KCNIP4: variants seen among roughly 807,000 people sequenced by gnomAD.
KCNIP4 encodes Kv channel-interacting protein 4.
A neutral mutation model predicts 34.0 loss-of-function variants in KCNIP4; 12 were observed. The ratio of observed to expected loss-of-function variants is 0.35; its 90% CI spans 0.23 to 0.57. KCNIP4 has a LOEUF of 0.57. Ranked by LOEUF, KCNIP4 falls within the 20% of genes least tolerant of loss-of-function variation. The pLI is 0.83. For synonymous variants in KCNIP4, 124 were observed against 102.2 expected (o/e 1.21, Z -1.29); for missense variants, 238 against 311.7 (o/e 0.76, Z 1.78).
intron 3 of KCNIP4, among the ~76,000 whole-genome samples, chr4:20,784,966 C>G (rs1711752039): frequency 1.3e-5 from 2 of 152,180 alleles, no homozygotes; most frequent in African/African-American, 4.8e-5. Flanking sequence ...GCATGCAGAA[C>G]TACCACTTGC....
chr4:20,934,218 C>T (rs1730799743), intron 1 of KCNIP4, among the ~76,000 whole-genome samples: 1 of 152,054 alleles, frequency 6.6e-6, no homozygotes, highest in Admixed American at 6.6e-5. Context: ...TGTTTTTCTG[C>T]CTCATAAACA....
intron 1 of KCNIP4, among the ~76,000 whole-genome samples, chr4:20,979,587 A>G (rs1735858346): frequency 6.6e-6 from 1 of 151,794 alleles, no homozygotes; most frequent in South Asian, 2.1e-4. Flanking sequence ...TTTAGTAGAG[A>G]CAGGGTTTCA....
chr4:21,458,812 G>C (rs191876807), intron 1 of KCNIP4, among the ~76,000 whole-genome samples: 22 of 152,088 alleles, frequency 1.4e-4, no homozygotes, highest in Non-Finnish European at 1.9e-4. Flanking sequence ...GAAAATAGAA[G>C]CAATCAGAAG....
intron 1 of KCNIP4, among the ~76,000 whole-genome samples, chr4:21,602,410 G>T (rs1205428665): frequency 2.0e-5 from 3 of 152,100 alleles, no homozygotes; most frequent in African/African-American, 7.2e-5. Context: ...TATCCTGAAT[G>T]AACAAATAAA....
In KCNIP4 at chr4:21,582,006, A is replaced by AAGAATAGAATAGAATAGAATAGAAT. The variant is rs1170134097; in HGVS notation, c.61+366540_61+366564dup. 1.6e-3 allele frequency: 153 copies of AAGAATAGAATAGAATAGAATAGAAT among 96,480 alleles called. 4 individuals are homozygous for AAGAATAGAATAGAATAGAATAGAAT. Among genetic ancestry groups the AAGAATAGAATAGAATAGAATAGAAT allele is most frequent in the African/African-American group, 3.0e-3 (82 of 26,970 alleles). The allele number at this position is 96,480 out of a possible 1,614,324, so 6.0% of individuals were successfully genotyped here. ...ATAGAATAGACTACATAGGGCATAG[A>AAGAATAGAATAGAATAGAATAGAAT]AGAATAGAATAGAATAGAATAGAAT... On this transcript the variant is annotated intron_variant, in intron 1 of 8. Transcript: ENST00000382152.
intron 1 of KCNIP4, among the ~76,000 whole-genome samples, chr4:21,344,651 G>T (rs1235758671): frequency 6.6e-6 from 1 of 152,080 alleles, no homozygotes; most frequent in East Asian, 1.9e-4. Flanking sequence ...CATATTCCCA[G>T]GTACTTTCAA....
intron 1 of KCNIP4, among the ~76,000 whole-genome samples, chr4:21,305,325 G>C (rs185532494): frequency 1.3e-5 from 2 of 152,286 alleles, no homozygotes; most frequent in East Asian, 3.9e-4. Flanking sequence ...TGTGACCTTA[G>C]GTAAGTTACT....
chr4:21,180,287 C>G (rs1464390301), intron 1 of KCNIP4, among the ~76,000 whole-genome samples: 2 of 152,022 alleles, frequency 1.3e-5, no homozygotes, highest in African/African-American at 4.8e-5. Context: ...GCTTCTAGTA[C>G]TAGAGTTTAT....
chr4:20,842,786 G>A (rs1307974905), intron 3 of KCNIP4, among the ~76,000 whole-genome samples: 1 of 152,120 alleles, frequency 6.6e-6, no homozygotes, highest in Non-Finnish European at 1.5e-5. Flanking sequence ...GAGAGGCAGG[G>A]CAGTGGAGAG....
At chr4:20,805,893 A>G (rs1162523310) in intron 3 of KCNIP4, among the ~76,000 whole-genome samples, 1 of 152,130 alleles carries the variant, frequency 6.6e-6, no homozygotes, top group African/African-American at 2.4e-5. Context: ...TTTGTTCTTG[A>G]AGTCATGTAA....
intron 1 of KCNIP4, among the ~76,000 whole-genome samples, chr4:21,207,784 C>A (rs1344943297): frequency 6.6e-6 from 1 of 150,902 alleles, no homozygotes; most frequent in African/African-American, 2.4e-5. Context: ...ATTTCCACTT[C>A]TAAAAATTAT....
At chr4:21,404,467 T>C (rs1472266878) in intron 1 of KCNIP4, among the ~76,000 whole-genome samples, 2 of 152,176 alleles carry the variant, frequency 1.3e-5, no homozygotes, top group Non-Finnish European at 2.9e-5. Context: ...CCTTACTGCC[T>C]TATGATGCCT....
intron 1 of KCNIP4, among the ~76,000 whole-genome samples, chr4:21,722,680 G>T (rs1040163700): frequency 6.6e-6 from 1 of 152,096 alleles, no homozygotes; most frequent in Admixed American, 6.6e-5. Context: ...AGATCATATG[G>T]TTACTGCCGT....
At chr4:21,019,847 G>A (rs1739886447) in intron 1 of KCNIP4, among the ~76,000 whole-genome samples, 1 of 152,070 alleles carries the variant, frequency 6.6e-6, no homozygotes, top group South Asian at 2.1e-4. Flanking sequence ...TATATGATAA[G>A]GTTGAAAAGG....
rs1471843772 is a variant in KCNIP4 at position 21,939,052 on chromosome 4, CA to C, written c.61+9518del. On this transcript the variant is annotated intron_variant, in intron 1 of 8. Coordinates refer to ENST00000382152, the MANE Select transcript of KCNIP4 (RefSeq NM_025221.6). ...ATTGAGATCTAAAATTTTGCTGTAA[CA>C]GTAGTTATGGAAGGCCACAATCTCA... Among the ~76,000 whole-genome samples, 4 of 152,236 alleles carry C rather than the reference CA, an allele frequency of 2.6e-5. No individual in the cohort carries two copies. In the East Asian group the frequency reaches 7.7e-4, roughly 29 times the overall value.
chr4:21,651,810 TG>T (rs1450957326), intron 1 of KCNIP4, among the ~76,000 whole-genome samples: 2 of 152,200 alleles, frequency 1.3e-5, no homozygotes, highest in African/African-American at 4.8e-5. Context: ...ACTAAGTATT[TG>T]AACTCAGGTA....
At chr4:20,925,523 T>C (rs1729815983) in intron 1 of KCNIP4, among the ~76,000 whole-genome samples, 1 of 152,190 alleles carries the variant, frequency 6.6e-6, no homozygotes, top group African/African-American at 2.4e-5. Context: ...GTTTAGCATA[T>C]AATCAAGAAA....
At chr4:21,491,319 G>T (rs1732377668) in intron 1 of KCNIP4, among the ~76,000 whole-genome samples, 1 of 152,120 alleles carries the variant, frequency 6.6e-6, no homozygotes, top group Non-Finnish European at 1.5e-5. Flanking sequence ...ACTTTGAAAG[G>T]CATGTGTGGA....
At chr4:20,833,242 C>G (rs940341578) in intron 3 of KCNIP4, among the ~76,000 whole-genome samples, 1 of 152,156 alleles carries the variant, frequency 6.6e-6, no homozygotes, top group African/African-American at 2.4e-5. Context: ...CATTTGGTGA[C>G]ATTGTTCTTT....
Sources: gnomAD v4.1 joint callset for allele counts (sites outside exome capture counted in the v4.1 genomes callset) on GRCh38, gnomAD v4.1.1 for gene constraint, MANE v1.5 for transcripts, NCBI Gene and HGNC (gene_info 2026-07-23, HGNC 2026-07-21) for gene names.